Variants in DNAH11 observed in about 807,000 individuals in gnomAD.
DNAH11 encodes the protein axonemal beta dynein heavy chain 11.
A neutral mutation model predicts 526.0 loss-of-function variants in DNAH11; 442 were observed. The ratio of observed to expected loss-of-function variants is 0.84; its 90% CI spans 0.78 to 0.91. The LOEUF is 0.91. Ranked by LOEUF, DNAH11 falls within the 40% of genes least tolerant of loss-of-function variation. The pLI is 0.00. For missense variants in DNAH11, 6,989 were observed against 5,448.7 expected (o/e 1.28, Z -8.90); for synonymous variants, 2,461 against 1,935.9 (o/e 1.27, Z -7.12).
intron 30 of DNAH11, among the ~76,000 whole-genome samples, chr7:21,677,974 C>T (rs1215829717): frequency 2.0e-5 from 3 of 152,070 alleles, no homozygotes; most frequent in Admixed American, 6.6e-5. Flanking sequence ...ATATTAATTC[C>T]TTATCAGATA....
rs1786081185 is a variant in DNAH11, at chr7:21,745,016, A to G, written c.8463A>G (p.Leu2821=). 1 of 1,610,254 alleles carries G rather than the reference A, an allele frequency of 6.2e-7. No individual in the cohort carries two copies. Among genetic ancestry groups the G allele is most frequent in the Non-Finnish European group, 8.5e-7 (1 of 1,178,200 alleles). The change falls in exon 51 of 82, where the codon CTA becomes CTG. Residue 2821 remains leucine, a synonymous_variant. Transcript: ENST00000409508. Reference sequence around the variant, plus strand: ...AAACGTTAGACAACTACAATGAACTAAATGCTGCCATGCACCTAGTTTTGT... The same window carrying G: ...AAACGTTAGACAACTACAATGAACTGAATGCTGCCATGCACCTAGTTTTGT... ...LTETLDNYNE[L]NAAMHLVLFE... is the part of the protein sequence containing the mutation.
At position 21,749,804 on chromosome 7, in the gene DNAH11, G is replaced by A. The variant is rs772995648; in HGVS notation, c.8797+3G>A. On this transcript the variant is annotated splice_donor_region_variant and intron_variant, in intron 53 of 81. Coordinates refer to ENST00000409508, the MANE Select transcript of DNAH11 (RefSeq NM_001277115.2). Reference sequence around the variant, plus strand: ...GATTAATGACTTGCTGGCATCAGGTGATTAAACCAACACATTTCTTGAAAG... The same window carrying A: ...GATTAATGACTTGCTGGCATCAGGTAATTAAACCAACACATTTCTTGAAAG... 9 of 1,613,568 alleles carry A rather than the reference G, an allele frequency of 5.6e-6. No individual in the cohort carries two copies. The highest frequency in any genetic ancestry group is 5.0e-5 in the Admixed American group (3 of 59,978).
intron 55 of DNAH11, 52 bp from the exon 56 acceptor site, chr7:21,773,714 G>A: frequency 8.5e-7 from 1 of 1,179,410 alleles, no homozygotes; most frequent in Non-Finnish European, 1.1e-6. Context: ...TTTTTAAGTT[G>A]TATTTTTAAT....
intron 81 of DNAH11, 49 bp downstream of exon 81, chr7:21,900,169 A>G: frequency 1.3e-6 from 2 of 1,562,980 alleles, no homozygotes; most frequent in Non-Finnish European, 8.7e-7. Flanking sequence ...ACTCAGGTTC[A>G]GATCAGTGTT....
In DNAH11 at chr7:21,600,661, T is replaced by C; in HGVS notation, c.3001-15T>C. ...TTGGTTTGAATAGTAAGTGCTGTGT[T>C]TTCCTCTCATTTAGAATGATATGGA... On this transcript the variant is annotated splice_polypyrimidine_tract_variant and intron_variant, in intron 15 of 81. Transcript: ENST00000409508. 1 of 1,584,212 alleles carries C rather than the reference T, an allele frequency of 6.3e-7. No homozygotes were observed. Among genetic ancestry groups the C allele is most frequent in the African/African-American group, 1.3e-5 (1 of 74,268 alleles).
At chr7:21,803,847 G>A (rs1253583558) in intron 62 of DNAH11, among the ~76,000 whole-genome samples, 10 of 149,520 alleles carry the variant, frequency 6.7e-5, no homozygotes, top group African/African-American at 2.3e-4. Context: ...GTCTGGAAAA[G>A]TGGGGAATGG....
intron 49 of DNAH11, 52 bp from the exon 50 acceptor site, chr7:21,744,386 A>T: frequency 6.3e-7 from 1 of 1,576,470 alleles, no homozygotes. Flanking sequence ...AACTCATTTG[A>T]CATGTCATCA....
At chr7:21,618,961 C>T in intron 23 of DNAH11, 139 bp from the exon 24 acceptor site, 1 of 1,110,300 alleles carries the variant, frequency 9.0e-7, no homozygotes, top group Non-Finnish European at 1.3e-6. Flanking sequence ...CTTAGATTCT[C>T]CACGTATTTC....
chr7:21,888,480 G>C (rs1002750857), intron 76 of DNAH11, among the ~76,000 whole-genome samples: 1 of 151,884 alleles, frequency 6.6e-6, no homozygotes, highest in Admixed American at 6.6e-5. Context: ...CAACAAAGAT[G>C]ATTTCAATTT....
chr7:21,679,442 G>T (rs1348152977), intron 30 of DNAH11, among the ~76,000 whole-genome samples: 1 of 152,214 alleles, frequency 6.6e-6, no homozygotes, highest in Middle Eastern at 3.4e-3. Context: ...CTTGGTTGGG[G>T]TAATAGTTTC....
At chr7:21,894,349 GCAAA>G (rs1368158183) in intron 77 of DNAH11, among the ~76,000 whole-genome samples, 1 of 152,160 alleles carries the variant, frequency 6.6e-6, no homozygotes, top group Non-Finnish European at 1.5e-5. Flanking sequence ...TGAGTAAACT[GCAAA>G]CAACTGTAGC....
intron 8 of DNAH11, among the ~76,000 whole-genome samples, chr7:21,578,565 G>A (rs1283639754): frequency 6.6e-6 from 1 of 152,168 alleles, no homozygotes; most frequent in Non-Finnish European, 1.5e-5. Context: ...CTGGGGTCTG[G>A]AGGACAGTGA....
chr7:21,704,723 C>A, intron 38 of DNAH11, 95 bp downstream of exon 38: 2 of 1,356,496 alleles, frequency 1.5e-6, no homozygotes, highest in South Asian at 1.5e-5. Flanking sequence ...TAACTTGTAC[C>A]CTAACCTTAA....
intron 40 of DNAH11, among the ~76,000 whole-genome samples, chr7:21,710,022 T>A (rs1159654018): frequency 6.6e-6 from 1 of 152,192 alleles, no homozygotes; most frequent in Non-Finnish European, 1.5e-5. Context: ...ATTTAAAATG[T>A]TTTTGCCTAT....
intron 75 of DNAH11, among the ~76,000 whole-genome samples, chr7:21,882,802 CAA>C (rs1036808300): frequency 1.8e-4 from 28 of 151,858 alleles, no homozygotes; most frequent in African/African-American, 5.3e-4. Context: ...GTCTCAAAAA[CAA>C]AAGAGGAAAG....
chr7:21,558,760 C>T (rs779993904), intron 2 of DNAH11, 42 bp from the exon 3 acceptor site: 4 of 1,433,990 alleles, frequency 2.8e-6, no homozygotes, highest in East Asian at 4.8e-5. Flanking sequence ...TGAAGGAATG[C>T]ATTGTCTGTA....
At position 21,744,596 on chromosome 7, in the gene DNAH11, T is replaced by C; in HGVS notation, c.8313T>C (p.Phe2771=). ...TGCTGGAAACTGCTTATAAATATTTTGAAGTAAGCGTATGAATGTCAGAGG... is the reference window on the plus strand; with the variant it reads ...TGCTGGAAACTGCTTATAAATATTTCGAAGTAAGCGTATGAATGTCAGAGG... ...RRMLETAYKY[F]EGIDSHMLLQ... The change falls in exon 50 of 82, where the codon TTT becomes TTC. Residue 2771 remains phenylalanine, a synonymous_variant. Coordinates refer to ENST00000409508, the MANE Select transcript of DNAH11 (RefSeq NM_001277115.2). 6.2e-7 allele frequency: 1 copy of C among 1,612,898 alleles called. No homozygotes were observed. The highest frequency in any genetic ancestry group is 8.5e-7 in the Non-Finnish European group (1 of 1,179,660).
At chr7:21,856,205 C>T (rs935644804) in intron 68 of DNAH11, among the ~76,000 whole-genome samples, 3 of 152,028 alleles carry the variant, frequency 2.0e-5, no homozygotes, top group Non-Finnish European at 4.4e-5. Flanking sequence ...AATCTGTGTG[C>T]AACAAGAAGC....
intron 25 of DNAH11, among the ~76,000 whole-genome samples, chr7:21,623,773 C>G (rs188755745): frequency 0.013 from 1,948 of 144,748 alleles, 20 homozygotes; most frequent in African/African-American, 0.018. Context: ...AATGAGAACA[C>G]ATGGACACAG....
Sources: gnomAD v4.1 joint callset for allele counts (sites outside exome capture counted in the v4.1 genomes callset) on GRCh38, gnomAD v4.1.1 for gene constraint, MANE v1.5 for transcripts, NCBI Gene and HGNC (gene_info 2026-07-23, HGNC 2026-07-21) for gene names.